CCDC170: variants seen among roughly 807,000 people sequenced by gnomAD.
CCDC170 encodes coiled-coil domain-containing protein 170.
In CCDC170, 69 loss-of-function variants were observed where a neutral mutation model predicts 72.6. The ratio of observed to expected loss-of-function variants is 0.95; its 90% CI spans 0.78 to 1.16. The LOEUF (loss-of-function observed/expected upper bound fraction) is 1.16, where lower values mean the gene tolerates loss of function less well. Ranked by LOEUF, CCDC170 falls within the 50% of genes most tolerant of loss-of-function variation. The probability of loss-of-function intolerance (pLI) is 0.00; values close to 1 mark genes in which losing one functional copy is unlikely to be tolerated. For missense variants in CCDC170, 852 were observed against 832.5 expected (o/e 1.02, Z -0.29); for synonymous variants, 300 against 303.9 (o/e 0.99, Z 0.13).
intron 1 of CCDC170, among the ~76,000 whole-genome samples, chr6:151,512,402 C>T (rs570045876): frequency 6.6e-6 from 1 of 152,214 alleles, no homozygotes; most frequent in East Asian, 1.9e-4. Context: ...TCTAGTGATC[C>T]ACGGGCCTTG....
At chr6:151,570,047 C>A in intron 5 of CCDC170, among the ~76,000 whole-genome samples, 1 of 152,078 alleles carries the variant, frequency 6.6e-6, no homozygotes, top group Non-Finnish European at 1.5e-5. Flanking sequence ...ATTGTTTTGG[C>A]CCTTTTCTTG....
rs145697523 is a variant in CCDC170 at position 151,614,065 on chromosome 6, T to A, written c.1711-1378T>A. On this transcript the variant is annotated intron_variant, in intron 9 of 10. Transcript: ENST00000239374. ...TTTTTAATGATCAGTGAAAACAATT[T>A]GTGTCTGTGTGAAGTTGCTTCAAAT... Among the ~76,000 whole-genome samples the A allele has an allele frequency of 9.2e-5, 14 of 152,362 alleles. No homozygotes were observed. The East Asian group carries it at 2.5e-3, about 27-fold the overall frequency.
intron 1 of CCDC170, among the ~76,000 whole-genome samples, chr6:151,495,866 A>G (rs948960546): frequency 1.1e-4 from 17 of 152,308 alleles, no homozygotes; most frequent in Middle Eastern, 3.4e-3. Context: ...TCTAACGAAC[A>G]TACAATGATC....
At chr6:151,539,915 C>G (rs1054500186) in intron 3 of CCDC170, among the ~76,000 whole-genome samples, 1 of 152,126 alleles carries the variant, frequency 6.6e-6, no homozygotes, top group Admixed American at 6.5e-5. Flanking sequence ...TTCTCTTTCA[C>G]CCTCCATGTC....
chr6:151,498,243 G>A (rs1286479230), intron 1 of CCDC170, among the ~76,000 whole-genome samples: 1 of 151,746 alleles, frequency 6.6e-6, no homozygotes, highest in East Asian at 2.0e-4. Context: ...ACTATCAACA[G>A]AATTGTTATG....
intron 9 of CCDC170, among the ~76,000 whole-genome samples, chr6:151,614,629 A>ATTTTTTTTTTTTTTTTT (rs34242496): frequency 7.4e-6 from 1 of 135,114 alleles, no homozygotes. Flanking sequence ...TAACTTTTGT[A>ATTTTTTTTTTTTTTTTT]TTTTTTTTTT....
Position 151,615,691 on chromosome 6 carries a change from T to C in CCDC170, c.1947+12T>C. ...AGAGAGAAAAGCAGGTGGGTCTAAA[T>C]CTGGTGATGAAACCTTGTTTAGGAA... On this transcript the variant is annotated intron_variant, in intron 10 of 10. Coordinates refer to ENST00000239374, the MANE Select transcript of CCDC170 (RefSeq NM_025059.4). 6.4e-7 allele frequency: 1 copy of C among 1,565,420 alleles called. No individual in the cohort carries two copies. Among genetic ancestry groups the C allele is most frequent in the Admixed American group, 1.7e-5 (1 of 59,152 alleles).
chr6:151,617,606 G>A (rs536641460), intron 10 of CCDC170, among the ~76,000 whole-genome samples: 9 of 152,112 alleles, frequency 5.9e-5, no homozygotes, highest in African/African-American at 1.4e-4. Flanking sequence ...GCCCTTCGAC[G>A]TAGGTGTATG....
At chr6:151,532,500 G>C (rs1053292612) in intron 1 of CCDC170, among the ~76,000 whole-genome samples, 2 of 151,874 alleles carry the variant, frequency 1.3e-5, no homozygotes, top group African/African-American at 4.8e-5. Flanking sequence ...CCAGCTACTC[G>C]GGAGGCTGAG....
Position 151,530,729 on chromosome 6 carries a change from C to G in CCDC170, c.58-5589C>G, listed in dbSNP as rs6905824. On this transcript the variant is annotated intron_variant, in intron 1 of 10. Coordinates refer to ENST00000239374, the MANE Select transcript of CCDC170 (RefSeq NM_025059.4). ...GGATTACAGGTGTGAGCCACTGCAC[C>G]TGGCCAATATGCTTAATTATTAAAT... 3.1e-3 allele frequency among the ~76,000 whole-genome samples: 467 copies of G among 152,188 alleles called. 1 individual carries two copies. The highest frequency in any genetic ancestry group is 0.011 in the African/African-American group (455 of 41,546).
rs1285324812 is a variant in CCDC170 at position 151,619,398 on chromosome 6, AT to A, written c.*1256del. ...TTCCATTTAAATTTCTATTTTACAA[AT>A]TTTTCAGGGAATCATATTCTTAACT... On this transcript the variant is annotated 3_prime_UTR_variant, in exon 11 of 11. Transcript: ENST00000239374. The A allele has an allele frequency of 6.6e-6, 1 of 151,698 alleles. No individual in the cohort carries two copies. The highest frequency in any genetic ancestry group is 1.5e-5 in the Non-Finnish European group (1 of 68,028). The allele number at this position is 151,698 out of a possible 1,614,324, so 9.4% of individuals were successfully genotyped here.
At chr6:151,519,451 A>G (rs771935813) in intron 1 of CCDC170, among the ~76,000 whole-genome samples, 5 of 152,198 alleles carry the variant, frequency 3.3e-5, no homozygotes, top group East Asian at 1.9e-4. Context: ...CTGATTTCAT[A>G]TTGTTCAAAC....
At chr6:151,598,103 C>T (rs1776651552) in intron 9 of CCDC170, among the ~76,000 whole-genome samples, 1 of 152,148 alleles carries the variant, frequency 6.6e-6, no homozygotes, top group Non-Finnish European at 1.5e-5. Context: ...GGGCACCCCC[C>T]AGAGAAGGAC....
At position 151,536,188 on chromosome 6, in the gene CCDC170, C is replaced by G. The variant is rs187457165; in HGVS notation, c.58-130C>G. 1.8e-5 allele frequency: 19 copies of G among 1,064,856 alleles called. No homozygotes were observed. In the East Asian group the frequency reaches 4.0e-4, roughly 22 times the overall value. 66.0% of individuals were successfully genotyped at this position (1,064,856 alleles called of 1,614,324 possible). A position where few individuals can be genotyped will look rare whatever the true frequency, so the allele number is the denominator to read the frequency against. On this transcript the variant is annotated intron_variant, in intron 1 of 10. Coordinates refer to ENST00000239374, the MANE Select transcript of CCDC170 (RefSeq NM_025059.4). ...CAAATGGTCTGAACATAACACTTCT[C>G]TGCGTAGCATGTTTGACATATTTGG... is the stretch of plus-strand genomic sequence containing the variant.
At chr6:151,496,452 G>A (rs1781914105) in intron 1 of CCDC170, among the ~76,000 whole-genome samples, 1 of 152,188 alleles carries the variant, frequency 6.6e-6, no homozygotes, top group Non-Finnish European at 1.5e-5. Flanking sequence ...AGTAGCTGCA[G>A]AAAAGGCAGC....
intron 1 of CCDC170, among the ~76,000 whole-genome samples, chr6:151,510,256 A>G (rs1782129473): frequency 6.6e-6 from 1 of 152,202 alleles, no homozygotes. Flanking sequence ...TCAAATATTT[A>G]CTGATACTCA....
chr6:151,585,015 G>A (rs968444335), intron 6 of CCDC170, among the ~76,000 whole-genome samples: 1 of 152,138 alleles, frequency 6.6e-6, no homozygotes, highest in Non-Finnish European at 1.5e-5. Flanking sequence ...TATCACCCTA[G>A]GCTTGGTGGT....
chr6:151,535,248 T>C (rs778566086), intron 1 of CCDC170, among the ~76,000 whole-genome samples: 8 of 152,166 alleles, frequency 5.3e-5, no homozygotes, highest in Non-Finnish European at 8.8e-5. Context: ...ACTGGAATGA[T>C]TTGGAATTGG....
intron 1 of CCDC170, among the ~76,000 whole-genome samples, chr6:151,507,883 T>A (rs1297430190): frequency 6.6e-6 from 1 of 150,830 alleles, no homozygotes; most frequent in East Asian, 1.9e-4. Context: ...ATCGTGCCAC[T>A]GTACTCCAGC....
Sources: allele counts gnomAD v4.1 joint callset (sites outside exome capture counted in the v4.1 genomes callset), GRCh38; gene constraint gnomAD v4.1.1; transcripts MANE v1.5; gene names NCBI Gene and HGNC (gene_info 2026-07-23, HGNC 2026-07-21).